Variants in DLC1 observed in about 807,000 individuals in gnomAD.
DLC1 encodes the protein rho GTPase-activating protein 7.
In DLC1, 54 loss-of-function variants were observed where a neutral mutation model predicts 140.3. The ratio of observed to expected loss-of-function variants is 0.38; its 90% CI spans 0.31 to 0.48. The LOEUF (loss-of-function observed/expected upper bound fraction) is 0.48, where lower values mean the gene tolerates loss of function less well. Ranked by LOEUF, DLC1 falls within the 20% of genes least tolerant of loss-of-function variation. The probability of loss-of-function intolerance (pLI) is 0.96; values close to 1 mark genes in which losing one functional copy is unlikely to be tolerated. For synonymous variants in DLC1, 986 were observed against 728.1 expected, an observed-to-expected ratio of 1.35 and a Z score of -5.70; for missense variants, 2,536 against 1,907.0, an observed-to-expected ratio of 1.33 and a Z score of -6.14.
At chr8:13,287,446 C>G (rs577767774) in intron 5 of DLC1, among the ~76,000 whole-genome samples, 1 of 146,526 alleles carries the variant, frequency 6.8e-6, no homozygotes, top group East Asian at 1.9e-4. Context: ...AAATCAATCA[C>G]CATAAATAGT....
intron 4 of DLC1, among the ~76,000 whole-genome samples, chr8:13,384,236 C>T (rs1236908830): frequency 6.6e-6 from 1 of 152,142 alleles, no homozygotes; most frequent in South Asian, 2.1e-4. Context: ...AGGCCTCTGC[C>T]CCCCATCACA....
intron 1 of DLC1, among the ~76,000 whole-genome samples, chr8:13,577,826 G>C (rs13256985): frequency 6.6e-6 from 1 of 151,694 alleles, no homozygotes; most frequent in Non-Finnish European, 1.5e-5. Context: ...TCTTCCTGTT[G>C]GAGAGTATCA....
intron 4 of DLC1, among the ~76,000 whole-genome samples, chr8:13,319,304 T>G (rs1159990112): frequency 6.6e-6 from 1 of 152,208 alleles, no homozygotes; most frequent in East Asian, 1.9e-4. Flanking sequence ...CTCCGTTCCC[T>G]GCCCCGCCCT....
chr8:13,287,555 G>A (rs1412150344), intron 5 of DLC1, among the ~76,000 whole-genome samples: 1 of 152,144 alleles, frequency 6.6e-6, no homozygotes, highest in African/African-American at 2.4e-5. Flanking sequence ...ATCAGCCTCT[G>A]AATTAAACCC....
intron 5 of DLC1, among the ~76,000 whole-genome samples, chr8:13,126,728 ACT>A (rs1187916934): frequency 3.3e-5 from 5 of 152,018 alleles, no homozygotes; most frequent in African/African-American, 2.4e-5. Flanking sequence ...ATACAAATAA[ACT>A]CTTTCTTTTA....
intron 5 of DLC1, among the ~76,000 whole-genome samples, chr8:13,299,025 A>C (rs1028022333): frequency 6.6e-6 from 1 of 152,208 alleles, no homozygotes; most frequent in Non-Finnish European, 1.5e-5. Context: ...AAATATTCTC[A>C]AAGTGATATT....
intron 5 of DLC1, among the ~76,000 whole-genome samples, chr8:13,301,248 AG>A (rs1341924394): frequency 2.6e-5 from 4 of 151,524 alleles, no homozygotes; most frequent in African/African-American, 7.3e-5. Context: ...CTCTAAAGGG[AG>A]GTTAAAATGT....
chr8:13,403,742 A>G (rs1585048397), intron 2 of DLC1, among the ~76,000 whole-genome samples: 1 of 150,440 alleles, frequency 6.6e-6, no homozygotes, highest in East Asian at 2.0e-4. Flanking sequence ...TCGGGATCCA[A>G]GTGATCCTTC....
At chr8:13,185,947 C>G (rs1443596876) in intron 5 of DLC1, among the ~76,000 whole-genome samples, 1 of 152,154 alleles carries the variant, frequency 6.6e-6, no homozygotes, top group Non-Finnish European at 1.5e-5. Flanking sequence ...GTTGAAAATT[C>G]TTTTCTTTAA....
chr8:13,439,239 G>A (rs1243074505), intron 2 of DLC1, among the ~76,000 whole-genome samples: 1 of 152,108 alleles, frequency 6.6e-6, no homozygotes, highest in Non-Finnish European at 1.5e-5. Context: ...CAGGAGAATC[G>A]CTTGAACCCG....
At chr8:13,087,916 G>C (rs1430413124) in intron 16 of DLC1, among the ~76,000 whole-genome samples, 1 of 152,104 alleles carries the variant, frequency 6.6e-6, no homozygotes, top group Non-Finnish European at 1.5e-5. Context: ...TCCTAAAAGG[G>C]GCAAAAATCT....
chr8:13,509,439 C>T (rs2117244628), intron 1 of DLC1, among the ~76,000 whole-genome samples: 1 of 152,298 alleles, frequency 6.6e-6, no homozygotes, highest in East Asian at 1.9e-4. Flanking sequence ...GTCTTCCATA[C>T]ATCTCTATCA....
intron 2 of DLC1, among the ~76,000 whole-genome samples, chr8:13,418,745 G>T (rs1563330906): frequency 6.6e-6 from 1 of 152,014 alleles, no homozygotes; most frequent in Admixed American, 6.6e-5. Flanking sequence ...TTCCAATTTT[G>T]TGAAGAAAGT....
intron 4 of DLC1, among the ~76,000 whole-genome samples, chr8:13,319,815 C>G (rs1317780015): frequency 5.0e-5 from 1 of 20,114 alleles, no homozygotes; most frequent in African/African-American, 1.1e-4. Context: ...TTAATTCTCT[C>G]TCTCTCTTTT....
At chr8:13,495,475 C>A (rs1192069805) in intron 2 of DLC1, among the ~76,000 whole-genome samples, 1 of 152,182 alleles carries the variant, frequency 6.6e-6, no homozygotes, top group Non-Finnish European at 1.5e-5. Flanking sequence ...GGCACATTCA[C>A]TAACATTTGC....
intron 1 of DLC1, among the ~76,000 whole-genome samples, chr8:13,544,948 C>T (rs1171831501): frequency 1.3e-5 from 2 of 152,116 alleles, no homozygotes. Flanking sequence ...CAGGGGGGCA[C>T]TATTTACATA....
intron 5 of DLC1, among the ~76,000 whole-genome samples, chr8:13,296,165 A>C (rs1421832400): frequency 6.6e-6 from 1 of 151,870 alleles, no homozygotes; most frequent in African/African-American, 2.4e-5. Context: ...CATGTTGGCC[A>C]GGCTGGTCTC....
chr8:13,499,005 TTTACAAAA>T lies in DLC1; in HGVS notation c.1023+36_1023+43del, dbSNP rs747740376. ...ATGATAACTGATAAATCCAAGGATA[TTTACAAAA>T]TTTCAAAAGCCAGAGAATCTGTGCA... On this transcript the variant is annotated intron_variant, in intron 2 of 17. Coordinates refer to ENST00000276297, the MANE Select transcript of DLC1 (RefSeq NM_182643.3). The T allele has an allele frequency of 2.0e-6, 3 of 1,530,358 alleles. No individual in the cohort carries two copies. In the South Asian group the frequency reaches 3.9e-5, roughly 20 times the overall value. 94.8% of individuals were successfully genotyped at this position (1,530,358 alleles called of 1,614,324 possible).
intron 5 of DLC1, among the ~76,000 whole-genome samples, chr8:13,117,151 T>C (rs1308931947): frequency 1.3e-5 from 2 of 152,184 alleles, no homozygotes; most frequent in South Asian, 2.1e-4. Flanking sequence ...GAAAAACATA[T>C]ACAAGCTCAA....
Sources: allele counts gnomAD v4.1 joint callset (sites outside exome capture counted in the v4.1 genomes callset), GRCh38; gene constraint gnomAD v4.1.1; transcripts MANE v1.5; gene names NCBI Gene and HGNC (gene_info 2026-07-23, HGNC 2026-07-21).